The following C12orf56 variants were observed in gnomAD, a reference collection of about 807,000 sequenced individuals.
C12orf56 encodes uncharacterized protein C12orf56.
C12orf56 carries 71 observed loss-of-function variants against 69.9 expected under a neutral mutation model. The observed-to-expected ratio is 1.02, with a 90% CI of 0.84 to 1.24. The LOEUF (loss-of-function observed/expected upper bound fraction) is 1.24. C12orf56 is among the 50% of genes most tolerant of loss of function. The pLI, the probability that C12orf56 is intolerant of heterozygous loss-of-function variation, is 0.00. For missense variants in C12orf56, 732 were observed against 738.5 expected (o/e 0.99, Z 0.10); for synonymous variants, 276 against 274.1 (o/e 1.01, Z -0.07).
At chr12:64,269,474 C>G (rs944459245) in intron 12 of C12orf56, among the ~76,000 whole-genome samples, 1 of 152,200 alleles carries the variant, frequency 6.6e-6, no homozygotes, top group Non-Finnish European at 1.5e-5. Context: ...GTGAAACAAA[C>G]AAAACCCCTG....
At chr12:64,384,448 AT>A (rs2039760920) in intron 1 of C12orf56, among the ~76,000 whole-genome samples, 2 of 152,340 alleles carry the variant, frequency 1.3e-5, no homozygotes, top group South Asian at 4.1e-4. Context: ...TAGGTGTTCA[AT>A]AATGTCACCA....
At chr12:64,274,551 G>A (rs1259432846) in intron 11 of C12orf56, among the ~76,000 whole-genome samples, 1 of 152,122 alleles carries the variant, frequency 6.6e-6, no homozygotes, top group Non-Finnish European at 1.5e-5. Context: ...GTGGGACAGA[G>A]CACACAAATG....
At chr12:64,284,861 GA>G in intron 7 of C12orf56, 108 bp from the exon 8 acceptor site, 1 of 746,104 alleles carries the variant, frequency 1.3e-6, no homozygotes, top group Non-Finnish European at 2.1e-6. Flanking sequence ...TATCCATACA[GA>G]AAAAAGTACA....
chr12:64,266,754 C>A lies in C12orf56; in HGVS notation c.*429G>T. The A allele has an allele frequency of 5.9e-6, 2 of 336,580 alleles. No homozygotes were observed. Among genetic ancestry groups the A allele is most frequent in the South Asian group, 1.1e-4 (1 of 9,338 alleles). The allele number at this position is 336,580 out of a possible 1,614,324, so 20.8% of individuals were successfully genotyped here. A position where few individuals can be genotyped will look rare whatever the true frequency, so the allele number is the denominator to read the frequency against. On this transcript the variant is annotated 3_prime_UTR_variant, in exon 13 of 13. Transcript: ENST00000543942. ...CCATGCCTCAGGCCCCCACACTCCC[C>A]GGCATCCTATTGCTTAAGCAACAGA... is the stretch of plus-strand genomic sequence containing the variant.
intron 1 of C12orf56, among the ~76,000 whole-genome samples, chr12:64,365,317 A>G (rs112910678): frequency 6.6e-6 from 1 of 151,678 alleles, no homozygotes; most frequent in African/African-American, 2.4e-5. Flanking sequence ...GGTGCCCGCC[A>G]CCAAGCTCGG....
intron 2 of C12orf56, among the ~76,000 whole-genome samples, chr12:64,334,489 A>G (rs538402520): frequency 6.6e-6 from 1 of 152,312 alleles, no homozygotes; most frequent in South Asian, 2.1e-4. Context: ...ATACCCTCCC[A>G]TATACTTTAA....
chr12:64,271,508 A>G (rs2037990394), intron 11 of C12orf56, among the ~76,000 whole-genome samples: 1 of 152,200 alleles, frequency 6.6e-6, no homozygotes, highest in Non-Finnish European at 1.5e-5. Flanking sequence ...GAAAAGCAGA[A>G]AAGAACACTA....
At chr12:64,351,109 C>G (rs1480900732) in intron 2 of C12orf56, among the ~76,000 whole-genome samples, 2 of 152,258 alleles carry the variant, frequency 1.3e-5, no homozygotes, top group African/African-American at 4.8e-5. Context: ...TATTCTAGTT[C>G]TGAGAAACTA....
At position 64,312,731 on chromosome 12, in the gene C12orf56, G is replaced by T; in HGVS notation, c.916C>A (p.Pro306Thr). The T allele has an allele frequency of 2.6e-6, 4 of 1,536,422 alleles. No individual in the cohort carries two copies. Among genetic ancestry groups the T allele is most frequent in the Non-Finnish European group, 3.5e-6 (4 of 1,146,334 alleles). The change falls in exon 5 of 13, where the codon CCC (proline) becomes ACC (threonine). Residue 306 changes from proline to threonine, a missense_variant. Physicochemically the swap from Pro to Thr is conservative, Grantham distance 38 (BLOSUM62 -1). Coordinates refer to ENST00000543942, the MANE Select transcript of C12orf56 (RefSeq NM_001170633.2). ...YIIKATLLQD[P>T]FYASEFSPAI... The stretch of plus-strand genomic sequence containing the variant: ...GGACTGAACTCACTAGCATAGAAGG[G>T]ATCTTGTAAAAGAGTAGCTTTCTGA...
chr12:64,320,474 A>C (rs1468770770), intron 3 of C12orf56, among the ~76,000 whole-genome samples: 1 of 152,100 alleles, frequency 6.6e-6, no homozygotes, highest in African/African-American at 2.4e-5. Flanking sequence ...GAGATTTTTT[A>C]AATGATGTTT....
At chr12:64,334,169 A>G (rs912444782) in intron 2 of C12orf56, among the ~76,000 whole-genome samples, 1 of 152,180 alleles carries the variant, frequency 6.6e-6, no homozygotes, top group Non-Finnish European at 1.5e-5. Context: ...TGCTTTCTCT[A>G]TTGCAAGGGG....
intron 1 of C12orf56, among the ~76,000 whole-genome samples, chr12:64,362,449 TG>T (rs911588648): frequency 6.6e-6 from 1 of 152,040 alleles, no homozygotes; most frequent in African/African-American, 2.4e-5. Context: ...CCTAGCACTT[TG>T]GGAGGGTGAA....
At chr12:64,378,921 C>A (rs1159857423) in intron 1 of C12orf56, among the ~76,000 whole-genome samples, 1 of 151,664 alleles carries the variant, frequency 6.6e-6, no homozygotes, top group Admixed American at 6.6e-5. Context: ...TGTGGTGGTG[C>A]GTGCCTGTAG....
At chr12:64,335,553 A>G (rs545699518) in intron 2 of C12orf56, among the ~76,000 whole-genome samples, 24 of 152,184 alleles carry the variant, frequency 1.6e-4, no homozygotes, top group African/African-American at 5.8e-4. Flanking sequence ...CAATTCAGGT[A>G]TGGCATGTTG....
At chr12:64,309,910 G>T (rs935108165) in intron 5 of C12orf56, among the ~76,000 whole-genome samples, 3 of 152,066 alleles carry the variant, frequency 2.0e-5, no homozygotes, top group African/African-American at 7.2e-5. Flanking sequence ...AAATAATGAG[G>T]CACACAAAGT....
At position 64,277,774 on chromosome 12, in the gene C12orf56, A is replaced by G. The variant is rs2038071958; in HGVS notation, c.1340T>C (p.Leu447Ser). The change falls in exon 9 of 13, where the codon TTA becomes TCA. Residue 447 changes from leucine (L) to serine (S), a missense_variant. Transcript: ENST00000543942. ...KGALFNLLVI[L>S]ISEPQIPKSC... ...TTTTGGAATCTGAGGCTCACTAATT[A>G]AAATTACCAAGAGATTAAATAGTGC... 1 of 1,603,666 alleles carries G rather than the reference A, an allele frequency of 6.2e-7. No homozygotes were observed. The highest frequency in any genetic ancestry group is 8.5e-7 in the Non-Finnish European group (1 of 1,173,956).
At chr12:64,354,473 T>A (rs2039278903) in intron 1 of C12orf56, among the ~76,000 whole-genome samples, 1 of 151,926 alleles carries the variant, frequency 6.6e-6, no homozygotes, top group South Asian at 2.1e-4. Context: ...TTTTTTTATT[T>A]TGAGATGGAG....
intron 12 of C12orf56, among the ~76,000 whole-genome samples, chr12:64,268,305 A>G (rs1418300525): frequency 6.6e-6 from 1 of 151,764 alleles, no homozygotes; most frequent in African/African-American, 2.4e-5. Context: ...AGTTCTGCCT[A>G]ACTGTTGTCA....
intron 2 of C12orf56, among the ~76,000 whole-genome samples, chr12:64,332,625 G>A (rs1323002215): frequency 6.6e-6 from 1 of 150,476 alleles, no homozygotes; most frequent in Non-Finnish European, 1.5e-5. Flanking sequence ...TCAAGGGGGG[G>A]CTCTCCAAAT....
Sources: allele counts gnomAD v4.1 joint callset (sites outside exome capture counted in the v4.1 genomes callset), GRCh38; gene constraint gnomAD v4.1.1; transcripts MANE v1.5; gene names NCBI Gene and HGNC (gene_info 2026-07-23, HGNC 2026-07-21).